The following SCTR variants were observed in gnomAD, a reference collection of about 807,000 sequenced individuals.
The protein encoded by SCTR is secretin receptor.
In SCTR, 56 loss-of-function variants were observed where a neutral mutation model predicts 60.8. The observed-to-expected ratio is 0.92, with a 90% CI of 0.74 to 1.15. SCTR has a LOEUF of 1.15. Ranked by LOEUF, SCTR falls within the 50% of genes most tolerant of loss-of-function variation. The pLI, the probability that SCTR is intolerant of heterozygous loss-of-function variation, is 0.00. For synonymous variants in SCTR, 202 were observed against 217.0 expected (o/e 0.93, Z 0.61); for missense variants, 562 against 550.4 (o/e 1.02, Z -0.21).
Position 119,441,682 on chromosome 2 carries a change from G to T in SCTR, c.1141-83C>A, listed in dbSNP as rs931133745. The T allele has an allele frequency of 5.0e-6, 6 of 1,192,258 alleles. No individual in the cohort carries two copies. The African/African-American group carries it at 7.5e-5, about 15-fold the overall frequency. 73.9% of individuals were successfully genotyped at this position (1,192,258 alleles called of 1,614,324 possible). On this transcript the variant is annotated intron_variant, in intron 11 of 12. Coordinates refer to ENST00000019103, the MANE Select transcript of SCTR (RefSeq NM_002980.3). Reference sequence around the variant, plus strand: ...CAGCTGGCCAGCTGCACCCTCCCCAGGTCTCTTAATCACCAGCTACAGGCT... The same window carrying T: ...CAGCTGGCCAGCTGCACCCTCCCCATGTCTCTTAATCACCAGCTACAGGCT...
intron 11 of SCTR, among the ~76,000 whole-genome samples, chr2:119,445,177 A>T (rs1682879785): frequency 6.6e-6 from 1 of 151,948 alleles, no homozygotes; most frequent in African/African-American, 2.4e-5. Flanking sequence ...GGCCAGGCAG[A>T]CCCGGGTCCA....
In SCTR at chr2:119,452,000, G is replaced by A; in HGVS notation, c.921+10C>T. On this transcript the variant is annotated intron_variant, in intron 9 of 12. Transcript: ENST00000019103. ...ACTGATCCCCAGCTAGGGAGAGGAG[G>A]GCCACTCACCAGGATGGAGAGGATC... The A allele has an allele frequency of 6.4e-7, 1 of 1,561,080 alleles. No homozygotes were observed. The highest frequency in any genetic ancestry group is 8.8e-7 in the Non-Finnish European group (1 of 1,134,368).
chr2:119,444,339 A>G (rs1440425868), intron 11 of SCTR, among the ~76,000 whole-genome samples: 1 of 109,000 alleles, frequency 9.2e-6, no homozygotes, highest in Non-Finnish European at 2.0e-5. Context: ...GAATATATAT[A>G]CACATATATA....
chr2:119,500,988 C>A lies in SCTR; in HGVS notation c.73-6440G>T, dbSNP rs551236299. ...TGAATGTATATGATTATCACATGAA[C>A]CCCCAAAATATATATATCTAAATGT... On this transcript the variant is annotated intron_variant, in intron 1 of 12. Transcript: ENST00000019103. 7.2e-5 allele frequency among the ~76,000 whole-genome samples: 11 copies of A among 152,012 alleles called. No individual in the cohort carries two copies. The South Asian group carries it at 2.3e-3, about 32-fold the overall frequency.
At chr2:119,478,026 G>T (rs1281451638) in intron 3 of SCTR, among the ~76,000 whole-genome samples, 1 of 152,204 alleles carries the variant, frequency 6.6e-6, no homozygotes, top group East Asian at 1.9e-4. Flanking sequence ...TCTGAACCGT[G>T]GTCATCTTTG....
At position 119,512,703 on chromosome 2, in the gene SCTR, A is replaced by G. The variant is rs986416251; in HGVS notation, c.72+11452T>C. On this transcript the variant is annotated intron_variant, in intron 1 of 12. Coordinates refer to ENST00000019103, the MANE Select transcript of SCTR (RefSeq NM_002980.3). The stretch of plus-strand genomic sequence containing the variant: ...TGAGCCACCGTGCCCAGCCTTTGTG[A>G]TTTTCTTTATAAAAGATTTCCTTGA... Among the ~76,000 whole-genome samples the G allele has an allele frequency of 3.6e-4, 55 of 152,006 alleles. No homozygotes were observed. The East Asian group carries it at 4.5e-3, about 12-fold the overall frequency.
chr2:119,518,980 T>G (rs977030022), intron 1 of SCTR, among the ~76,000 whole-genome samples: 2 of 152,138 alleles, frequency 1.3e-5, no homozygotes, highest in Admixed American at 6.5e-5. Flanking sequence ...TCCCCCTTTT[T>G]TTTTGAGACG....
intron 12 of SCTR, 32 bp from the exon 13 acceptor site, chr2:119,440,289 G>A: frequency 6.2e-7 from 1 of 1,600,692 alleles, no homozygotes; most frequent in East Asian, 2.2e-5. Flanking sequence ...AGCCCAGGAG[G>A]AGAGGACAGT....
chr2:119,462,650 A>C (rs1159592467), intron 6 of SCTR, among the ~76,000 whole-genome samples: 1 of 152,222 alleles, frequency 6.6e-6, no homozygotes, highest in Non-Finnish European at 1.5e-5. Context: ...CTTCTACACC[A>C]GCACAGCTCC....
At chr2:119,455,671 A>G (rs1313132417) in intron 7 of SCTR, among the ~76,000 whole-genome samples, 1 of 152,264 alleles carries the variant, frequency 6.6e-6, no homozygotes, top group Non-Finnish European at 1.5e-5. Context: ...ATCTCTCAGC[A>G]GAATAAACAA....
chr2:119,441,104 G>A (rs903737840), intron 12 of SCTR, among the ~76,000 whole-genome samples: 10 of 152,190 alleles, frequency 6.6e-5, no homozygotes, highest in Non-Finnish European at 1.5e-4. Context: ...TAAGGATTGA[G>A]CTGCAGACAG....
intron 7 of SCTR, among the ~76,000 whole-genome samples, chr2:119,458,655 G>T (rs1397571406): frequency 2.6e-5 from 4 of 152,142 alleles, no homozygotes; most frequent in Admixed American, 2.0e-4. Flanking sequence ...AAAGAACATG[G>T]GTTTTGAGAG....
At chr2:119,493,349 T>C (rs1015560780) in intron 2 of SCTR, among the ~76,000 whole-genome samples, 1 of 152,226 alleles carries the variant, frequency 6.6e-6, no homozygotes, top group Non-Finnish European at 1.5e-5. Context: ...TTCATCCTTG[T>C]GAAGGGGGCT....
At chr2:119,516,593 G>A (rs1029063903) in intron 1 of SCTR, among the ~76,000 whole-genome samples, 1 of 152,070 alleles carries the variant, frequency 6.6e-6, no homozygotes, top group African/African-American at 2.4e-5. Flanking sequence ...TAGGTCAAAG[G>A]GTATGAAGTT....
chr2:119,506,639 C>A (rs1001079114), intron 1 of SCTR, among the ~76,000 whole-genome samples: 2 of 151,990 alleles, frequency 1.3e-5, no homozygotes, highest in African/African-American at 4.8e-5. Context: ...CTGCCATAGC[C>A]AGGCTAATTT....
chr2:119,479,723 C>T (rs1429984023), intron 2 of SCTR: 1 of 152,162 alleles, frequency 6.6e-6, no homozygotes, highest in African/African-American at 2.4e-5. Flanking sequence ...CTTGATGAGG[C>T]CCCTCTGGAA....
At chr2:119,510,460 C>T (rs79825157) in intron 1 of SCTR, among the ~76,000 whole-genome samples, 1 of 152,136 alleles carries the variant, frequency 6.6e-6, no homozygotes, top group South Asian at 2.1e-4. Flanking sequence ...GCATGTGGCT[C>T]CTTGGAGCAA....
intron 7 of SCTR, among the ~76,000 whole-genome samples, 188 bp from the exon 8 acceptor site, chr2:119,453,535 C>T (rs185875125): frequency 2.0e-5 from 3 of 152,172 alleles, no homozygotes; most frequent in Non-Finnish European, 4.4e-5. Flanking sequence ...TCAAGGGTGC[C>T]GGGCATGCCC....
At chr2:119,488,342 C>G (rs928844837) in intron 2 of SCTR, among the ~76,000 whole-genome samples, 1 of 152,192 alleles carries the variant, frequency 6.6e-6, no homozygotes, top group Admixed American at 6.5e-5. Flanking sequence ...GCCAGGGGAG[C>G]CCTTTTCTTA....
Sources: allele counts gnomAD v4.1 joint callset (sites outside exome capture counted in the v4.1 genomes callset), GRCh38; gene constraint gnomAD v4.1.1; transcripts MANE v1.5; gene names NCBI Gene and HGNC (gene_info 2026-07-23, HGNC 2026-07-21).